Variants in RTKN observed in about 807,000 individuals in gnomAD.
RTKN encodes the protein rhotekin.
A neutral mutation model predicts 63.5 loss-of-function variants in RTKN; 49 were observed. The ratio of observed to expected loss-of-function variants is 0.77; its 90% confidence interval spans 0.61 to 0.98. The LOEUF (loss-of-function observed/expected upper bound fraction) is 0.98, where lower values mean the gene tolerates loss of function less well. Among genes scored for constraint, RTKN ranks in the 50% least tolerant of loss-of-function variants. The pLI, the probability that RTKN is intolerant of heterozygous loss-of-function variation, is 0.00. For missense variants in RTKN, 685 were observed against 740.8 expected, an observed-to-expected ratio of 0.92 and a Z score of 0.87; for synonymous variants, 295 against 290.4, an observed-to-expected ratio of 1.02 and a Z score of -0.16.
At chr2:74,428,091 C>T (rs1386457347) in intron 9 of RTKN, 177 bp downstream of exon 9, 2 of 730,400 alleles carry the variant, frequency 2.7e-6, no homozygotes, top group Non-Finnish European at 2.2e-6. Context: ...TGGGACGATC[C>T]TCTCACAGTG....
intron 9 of RTKN, 146 bp from the exon 10 acceptor site, chr2:74,427,738 G>A: frequency 1.2e-6 from 1 of 813,754 alleles, no homozygotes. Context: ...GAGTAGGAAG[G>A]AATGGCAAAA....
chr2:74,429,941 G>A lies in RTKN; in HGVS notation c.642C>T (p.Ala214=). ...GALTGGPKRL[A]TKLSSSLGRS... The stretch of plus-strand genomic sequence containing the variant: ...GGCCCAGGGAGCTGCTGAGTTTGGT[G>A]GCAAGCCTCTTGGGGCCGCCAGTCA... The change falls in exon 6 of 12, where the codon GCC becomes GCT. Residue 214 remains alanine (A), a synonymous_variant. Transcript: ENST00000272430. 6.2e-7 allele frequency: 1 copy of A among 1,614,242 alleles called. No individual in the cohort carries two copies. Among genetic ancestry groups the A allele is most frequent in the Non-Finnish European group, 8.5e-7 (1 of 1,180,032 alleles).
chr2:74,435,825 A>G (rs1573260529), intron 1 of RTKN, among the ~76,000 whole-genome samples: 1 of 152,032 alleles, frequency 6.6e-6, no homozygotes, highest in African/African-American at 2.4e-5. Context: ...AGACCCGAAC[A>G]CCCTAAATTC....
At position 74,428,739 on chromosome 2, in the gene RTKN, T is replaced by C. The variant is rs2103880394; in HGVS notation, c.851-2A>G. ...GGGGCAGCCAGGCAGGGTTCTCCTCTGGGGGAGGAGGAAGTGCAGGGTGAG... is the reference window on the plus strand; with the variant it reads ...GGGGCAGCCAGGCAGGGTTCTCCTCCGGGGGAGGAGGAAGTGCAGGGTGAG... On this transcript the variant is annotated splice_acceptor_variant, in intron 7 of 11. Transcript: ENST00000272430. LOFTEE classifies it high-confidence loss of function. 6 of 1,612,792 alleles carry C rather than the reference T, an allele frequency of 3.7e-6. No individual in the cohort carries two copies. The highest frequency in any genetic ancestry group is 5.1e-6 in the Non-Finnish European group (6 of 1,179,074).
Position 74,429,788 on chromosome 2 carries a change from T to A in RTKN, c.755+40A>T. The A allele has an allele frequency of 1.3e-6, 2 of 1,579,972 alleles. 1 individual carries two copies. The highest frequency in any genetic ancestry group is 1.7e-6 in the Non-Finnish European group (2 of 1,151,534). On this transcript the variant is annotated intron_variant, in intron 6 of 11. Transcript: ENST00000272430. ...GTTCAAAGGTCACCTGTGGGCAGAATACAGGCAGCTGAGGGTGGTGTCGGT... is the reference window on the plus strand; with the variant it reads ...GTTCAAAGGTCACCTGTGGGCAGAAAACAGGCAGCTGAGGGTGGTGTCGGT...
At chr2:74,441,637 G>A in intron 1 of RTKN, 69 bp downstream of exon 1, 1 of 1,138,316 alleles carries the variant, frequency 8.8e-7, no homozygotes. Context: ...GGCGAGGGAA[G>A]GAGGCCGAGG....
At chr2:74,437,693 G>T (rs929943484) in intron 1 of RTKN, among the ~76,000 whole-genome samples, 1 of 152,180 alleles carries the variant, frequency 6.6e-6, no homozygotes. Context: ...CTAAAAGTAA[G>T]ATTTAAATAG....
chr2:74,429,226 A>G (rs1670599897), intron 6 of RTKN, among the ~76,000 whole-genome samples: 1 of 152,206 alleles, frequency 6.6e-6, no homozygotes, highest in South Asian at 2.1e-4. Context: ...AAACTTGCCC[A>G]TAATTTATAG....
rs763860769 is a variant in RTKN, at chr2:74,429,901, G to A, written c.682C>T (p.Arg228Cys). 8 of 1,614,078 alleles carry A rather than the reference G, an allele frequency of 5.0e-6. No homozygotes were observed. In the East Asian group the frequency reaches 8.9e-5, roughly 18 times the overall value. Residue 228 changes from arginine to cysteine, a missense_variant, in exon 6 of 12, where the codon CGT (arginine) becomes TGT (cysteine). By Grantham distance (180) the Arg-to-Cys change is radical. Coordinates refer to ENST00000272430, the MANE Select transcript of RTKN (RefSeq NM_001015055.2). ...SSSLGRSSGR[R>C]VRASLDSAGG... ...GCACTGTCCAGCGATGCCCGGACACGCCTCCCTGAGGAGCGGCCCAGGGAG... is the reference window on the plus strand; with the variant it reads ...GCACTGTCCAGCGATGCCCGGACACACCTCCCTGAGGAGCGGCCCAGGGAG...
intron 1 of RTKN, chr2:74,440,317 C>T: frequency 2.0e-6 from 2 of 977,126 alleles, no homozygotes; most frequent in Non-Finnish European, 2.4e-6. Context: ...ACTCAGGGCC[C>T]CCATCCAGCC....
chr2:74,433,658 TG>T (rs1300477701), intron 1 of RTKN, among the ~76,000 whole-genome samples: 5 of 152,108 alleles, frequency 3.3e-5, no homozygotes, highest in African/African-American at 1.2e-4. Flanking sequence ...TCCGGCTAAT[TG>T]TTTTTTTGTA....
Position 74,426,451 on chromosome 2 carries a change from G to C in RTKN, c.1484C>G (p.Pro495Arg), listed in dbSNP as rs1670397041. The C allele has an allele frequency of 1.9e-6, 3 of 1,612,082 alleles. No homozygotes were observed. The highest frequency in any genetic ancestry group is 2.5e-6 in the Non-Finnish European group (3 of 1,179,112). The change falls in exon 12 of 12, where the codon CCC (proline) becomes CGC (arginine). Residue 495 changes from proline to arginine, a missense_variant. By Grantham distance (103) the Pro-to-Arg change is moderately radical. Transcript: ENST00000272430. ...MFTDQPALPNPCSPASVAPAP... is the reference protein window; with the variant it reads ...MFTDQPALPNRCSPASVAPAP... The stretch of plus-strand genomic sequence containing the variant: ...TGGGGCCACTGAGGCAGGCGAGCAG[G>C]GGTTAGGCAGGGCAGGCTGGTCTGT...
chr2:74,430,733 C>A, intron 2 of RTKN, 56 bp from the exon 3 acceptor site: 1 of 1,529,304 alleles, frequency 6.5e-7, no homozygotes, highest in Non-Finnish European at 8.9e-7. Context: ...CCCCCTTGCT[C>A]TGGTCCCAAC....
intron 1 of RTKN, among the ~76,000 whole-genome samples, chr2:74,434,853 A>C (rs1364531359): frequency 6.6e-6 from 1 of 152,232 alleles, no homozygotes; most frequent in Non-Finnish European, 1.5e-5. Context: ...AGTGGGGCAT[A>C]TGTACTTTTG....
chr2:74,431,273 C>G lies in RTKN; in HGVS notation c.312-596G>C, dbSNP rs1368614748. Among the ~76,000 whole-genome samples the G allele has an allele frequency of 2.6e-5, 4 of 152,056 alleles. No individual in the cohort carries two copies. The South Asian group carries it at 8.3e-4, about 32-fold the overall frequency. ...TTTGATTTCTCCTTTTTCCTCCTGG[C>G]CTGATATGGTGTACCCTACTAGTGC... On this transcript the variant is annotated intron_variant, in intron 2 of 11. Transcript: ENST00000272430.
Position 74,432,646 on chromosome 2 carries a change from C to T in RTKN, c.132G>A (p.Lys44=). Residue 44 remains lysine, a synonymous_variant, in exon 2 of 12, where the codon AAG becomes AAA. Coordinates refer to ENST00000272430, the MANE Select transcript of RTKN (RefSeq NM_001015055.2). ...DLPEDTELQR[K]LDHEIRMREG... ...CCCTCATCCGGATCTCATGGTCTAG[C>T]TTCCTCTGCAACTCCGTGTCCTAGC... is the stretch of plus-strand genomic sequence containing the variant. 6.2e-7 allele frequency: 1 copy of T among 1,614,220 alleles called. No homozygotes were observed. The highest frequency in any genetic ancestry group is 8.5e-7 in the Non-Finnish European group (1 of 1,180,032).
intron 11 of RTKN, 160 bp from the exon 12 acceptor site, chr2:74,426,734 C>G: frequency 7.3e-7 from 1 of 1,377,626 alleles, no homozygotes; most frequent in Admixed American, 3.4e-5. Context: ...CACCTGGGCC[C>G]CCTGGGGCTA....
chr2:74,425,863 C>A lies in RTKN; in HGVS notation c.*380G>T. The A allele has an allele frequency of 1.7e-6, 2 of 1,210,090 alleles. No homozygotes were observed. The highest frequency in any genetic ancestry group is 2.3e-6 in the Non-Finnish European group (2 of 873,852). 75.0% of individuals were successfully genotyped at this position (1,210,090 alleles called of 1,614,324 possible). A position where few individuals can be genotyped will look rare whatever the true frequency, so the allele number is the denominator to read the frequency against. ...ACCAGGCAGAGAGAGGCACCCTGTCCTCAGGAGCCAGGTGAAGGCTGCTGT... is the reference window on the plus strand; with the variant it reads ...ACCAGGCAGAGAGAGGCACCCTGTCATCAGGAGCCAGGTGAAGGCTGCTGT... On this transcript the variant is annotated 3_prime_UTR_variant, in exon 12 of 12. Coordinates refer to ENST00000272430, the MANE Select transcript of RTKN (RefSeq NM_001015055.2).
In RTKN at chr2:74,440,642, G is replaced by C. The variant is rs978208354; in HGVS notation, c.111+1064C>G. ...CTCACAGGCCCCTCCCCCTGGTCCC[G>C]GGCCTCGCCCCTTACTCCCCCACGC... On this transcript the variant is annotated intron_variant, in intron 1 of 11. Transcript: ENST00000272430. The C allele has an allele frequency of 1.1e-5, 10 of 884,862 alleles. No individual in the cohort carries two copies. In the African/African-American group the frequency reaches 1.8e-4, roughly 16 times the overall value. 54.8% of individuals were successfully genotyped at this position (884,862 alleles called of 1,614,324 possible). A position where few individuals can be genotyped will look rare whatever the true frequency, so the allele number is the denominator to read the frequency against.
Sources: gnomAD v4.1 joint callset for allele counts (sites outside exome capture counted in the v4.1 genomes callset) on GRCh38, gnomAD v4.1.1 for gene constraint, MANE v1.5 for transcripts, NCBI Gene and HGNC (gene_info 2026-07-23, HGNC 2026-07-21) for gene names.